The following SNX4 variants were observed in gnomAD, a reference collection of about 807,000 sequenced individuals.
SNX4 encodes the protein sorting nexin 4, also known as sorting nexin-4.
A neutral mutation model predicts 70.8 loss-of-function variants in SNX4; 49 were observed. That is an observed-to-expected ratio of 0.69 (90% CI 0.55 to 0.88). The LOEUF is 0.88. Among genes scored for constraint, SNX4 ranks in the 40% least tolerant of loss-of-function variants. The pLI is 0.00. For synonymous variants in SNX4, 206 were observed against 183.8 expected, an observed-to-expected ratio of 1.12 and a Z score of -0.98; for missense variants, 528 against 544.8, an observed-to-expected ratio of 0.97 and a Z score of 0.31.
intron 1 of SNX4, among the ~76,000 whole-genome samples, chr3:125,506,476 G>T (rs1196628871): frequency 7.3e-5 from 11 of 150,746 alleles, no homozygotes; most frequent in Non-Finnish European, 1.6e-4. Context: ...GAGTAGCCAG[G>T]ATTACAGGCT....
At chr3:125,493,715 T>C (rs924843269) in intron 5 of SNX4, among the ~76,000 whole-genome samples, 1 of 148,800 alleles carries the variant, frequency 6.7e-6, no homozygotes, top group African/African-American at 2.5e-5. Context: ...CTGGGTGTAA[T>C]AATCACTCTC....
At chr3:125,511,288 G>A (rs4679400) in intron 1 of SNX4, among the ~76,000 whole-genome samples, 1 of 149,652 alleles carries the variant, frequency 6.7e-6, no homozygotes, top group South Asian at 2.1e-4. Flanking sequence ...TATCTAATTT[G>A]GGGTTTAACC....
intron 1 of SNX4, among the ~76,000 whole-genome samples, chr3:125,509,609 T>G (rs1249224411): frequency 6.6e-6 from 1 of 151,444 alleles, no homozygotes; most frequent in African/African-American, 2.4e-5. Context: ...AAAAATTAGC[T>G]GGGTGTGGTG....
intron 5 of SNX4, among the ~76,000 whole-genome samples, chr3:125,490,392 C>T (rs576987531): frequency 2.0e-5 from 3 of 151,244 alleles, no homozygotes; most frequent in Admixed American, 6.6e-5. Flanking sequence ...CGTGGTGGCG[C>T]GTGCCTGTAG....
intron 11 of SNX4, among the ~76,000 whole-genome samples, chr3:125,455,551 G>C (rs992895073): frequency 2.0e-5 from 3 of 152,192 alleles, no homozygotes; most frequent in Admixed American, 6.6e-5. Flanking sequence ...ATGTAGGATA[G>C]AGAACCAAGC....
intron 8 of SNX4, among the ~76,000 whole-genome samples, chr3:125,470,412 TC>T (rs1934135243): frequency 6.6e-6 from 1 of 151,550 alleles, no homozygotes; most frequent in South Asian, 2.1e-4. Context: ...CATCTTCAAT[TC>T]CAACATATCA....
intron 12 of SNX4, among the ~76,000 whole-genome samples, chr3:125,452,102 C>T (rs575458257): frequency 1.3e-5 from 2 of 150,640 alleles, no homozygotes; most frequent in African/African-American, 2.5e-5. Flanking sequence ...TTATGAATCA[C>T]GTTTAGCATT....
chr3:125,506,760 C>T (rs1274314087), intron 1 of SNX4, among the ~76,000 whole-genome samples: 2 of 114,790 alleles, frequency 1.7e-5, no homozygotes, highest in Non-Finnish European at 3.3e-5. Context: ...ATGACAAAGA[C>T]TTTAAAGTAA....
chr3:125,499,914 T>C (rs1255685629), intron 2 of SNX4, among the ~76,000 whole-genome samples: 1 of 151,680 alleles, frequency 6.6e-6, no homozygotes, highest in African/African-American at 2.4e-5. Flanking sequence ...CAAAAAATTA[T>C]CTGGGCGTGG....
intron 1 of SNX4, among the ~76,000 whole-genome samples, chr3:125,507,013 C>A (rs1264714901): frequency 2.0e-5 from 3 of 150,322 alleles, no homozygotes; most frequent in Non-Finnish European, 3.0e-5. Flanking sequence ...ACCAGTCTAG[C>A]CAACATGTTG....
chr3:125,452,763 G>T (rs930232978), intron 12 of SNX4, among the ~76,000 whole-genome samples: 1 of 151,916 alleles, frequency 6.6e-6, no homozygotes, highest in South Asian at 2.1e-4. Context: ...GACTGTAGGC[G>T]CCTGCCACCG....
intron 1 of SNX4, among the ~76,000 whole-genome samples, chr3:125,510,521 G>A (rs1465397547): frequency 6.6e-6 from 1 of 152,112 alleles, no homozygotes; most frequent in African/African-American, 2.4e-5. Context: ...GAGCCACCGC[G>A]CCCGGCTGAA....
chr3:125,514,198 A>G (rs976240209), intron 1 of SNX4, among the ~76,000 whole-genome samples: 1 of 152,142 alleles, frequency 6.6e-6, no homozygotes. Flanking sequence ...GCAATAACTA[A>G]GAAAAATAGG....
intron 10 of SNX4, 101 bp from the exon 11 acceptor site, chr3:125,457,466 A>G: frequency 1.3e-6 from 1 of 792,660 alleles, no homozygotes; most frequent in Admixed American, 2.2e-5. Flanking sequence ...TCGCTAGGGC[A>G]GAATGTGTGT....
chr3:125,451,291 A>G lies in SNX4; in HGVS notation c.1305+14T>C, dbSNP rs2107838438. 6.3e-7 allele frequency: 1 copy of G among 1,577,484 alleles called. No homozygotes were observed. The highest frequency in any genetic ancestry group is 8.7e-7 in the Non-Finnish European group (1 of 1,149,744). ...AATATACATATATCTTCACTGAAAC[A>G]GGAAAAACCCTACCTTTTTGCACAT... On this transcript the variant is annotated intron_variant, in intron 13 of 13. Coordinates refer to ENST00000251775, the MANE Select transcript of SNX4 (RefSeq NM_003794.4).
In SNX4 at chr3:125,493,330, G is replaced by A. The variant is rs571205430; in HGVS notation, c.598-3867C>T. Among the ~76,000 whole-genome samples, 14 of 152,186 alleles carry A rather than the reference G, an allele frequency of 9.2e-5. No homozygotes were observed. The East Asian group carries it at 2.3e-3, about 25-fold the overall frequency. Reference sequence around the variant, plus strand: ...AATGATGAAAAAACTGGTTGCTCATGCTTATGTTAAATAGAACACAGATAA... The same window carrying A: ...AATGATGAAAAAACTGGTTGCTCATACTTATGTTAAATAGAACACAGATAA... On this transcript the variant is annotated intron_variant, in intron 5 of 13. Coordinates refer to ENST00000251775, the MANE Select transcript of SNX4 (RefSeq NM_003794.4).
At chr3:125,467,672 T>C (rs1196715828) in intron 9 of SNX4, among the ~76,000 whole-genome samples, 8 of 152,156 alleles carry the variant, frequency 5.3e-5, no homozygotes, top group African/African-American at 1.9e-4. Flanking sequence ...CTCAGCCTTC[T>C]ACAGTGCTGG....
chr3:125,520,165 T>G lies in SNX4; in HGVS notation c.8A>C (p.Gln3Pro). 4 of 1,373,044 alleles carry G rather than the reference T, an allele frequency of 2.9e-6. No individual in the cohort carries two copies. The highest frequency in any genetic ancestry group is 3.7e-6 in the Non-Finnish European group (4 of 1,067,796). The allele number at this position is 1,373,044 out of a possible 1,614,324, so 85.1% of individuals were successfully genotyped here. The change falls in exon 1 of 14, where the codon CAG (glutamine) becomes CCG (proline). Residue 3 changes from glutamine to proline, a missense_variant. This residue lies in a region of SNX4 where 341 missense variants were observed against 312.2 expected (regional missense o/e 1.09). Coordinates refer to ENST00000251775, the MANE Select transcript of SNX4 (RefSeq NM_003794.4). ...CTGCCGCTCGGGGTCCGGAGGTGCC[T>G]GCTCCATGGCTGCAGTTCGGCGCGG... is the stretch of plus-strand genomic sequence containing the variant. ME[Q>P]APPDPERQLQ...
chr3:125,450,668 T>A (rs1933548584), intron 13 of SNX4, among the ~76,000 whole-genome samples: 1 of 152,224 alleles, frequency 6.6e-6, no homozygotes, highest in African/African-American at 2.4e-5. Context: ...TAGAAAGTCT[T>A]CCATCATTGT....
Sources: gnomAD v4.1 joint callset for allele counts (sites outside exome capture counted in the v4.1 genomes callset) on GRCh38, gnomAD v4.1.1 for gene constraint, gnomAD v4.1.1 regional missense constraint, MANE v1.5 for transcripts, NCBI Gene and HGNC (gene_info 2026-07-23, HGNC 2026-07-21) for gene names.